TRHDE: variants seen among roughly 807,000 people sequenced by gnomAD.
The protein encoded by TRHDE is thyrotropin releasing hormone degrading enzyme, also known as thyrotropin-releasing hormone-degrading ectoenzyme.
In TRHDE, 72 loss-of-function variants were observed where a neutral mutation model predicts 125.7. That is an observed-to-expected ratio of 0.57 (90% confidence interval 0.47 to 0.70). The LOEUF is 0.70. Ranked by LOEUF, TRHDE falls within the 30% of genes least tolerant of loss-of-function variation. The probability of loss-of-function intolerance (pLI) is 0.00; values close to 1 mark genes in which losing one functional copy is unlikely to be tolerated. For synonymous variants in TRHDE, 509 were observed against 509.1 expected (o/e 1.00, Z 0.00); for missense variants, 1,110 against 1,327.1 (o/e 0.84, Z 2.54).
chr12:72,149,831 C>T (rs1876315839), intron 2 of TRHDE, among the ~76,000 whole-genome samples: 2 of 152,026 alleles, frequency 1.3e-5, no homozygotes, highest in African/African-American at 2.4e-5. Context: ...ATATTGTGCT[C>T]ATTATTCTAT....
chr12:72,430,371 G>A lies in TRHDE; in HGVS notation c.1316-39387G>A, dbSNP rs895845772. Among the ~76,000 whole-genome samples, 31 of 134,982 alleles carry A rather than the reference G, an allele frequency of 2.3e-4. 1 individual carries two copies. Among genetic ancestry groups the A allele is most frequent in the Middle Eastern group, 4.3e-3 (1 of 232 alleles). The allele number at this position is 134,982 out of a possible 152,430, so 88.6% of individuals were successfully genotyped here. A position where few individuals can be genotyped will look rare whatever the true frequency, so the allele number is the denominator to read the frequency against. ...CATGTATACATATATACATATATAC[G>A]TATATATACATGTATATATATACAC... On this transcript the variant is annotated intron_variant, in intron 3 of 18. Transcript: ENST00000261180.
chr12:72,311,729 AT>A (rs550972776), intron 2 of TRHDE, among the ~76,000 whole-genome samples: 108 of 152,288 alleles, frequency 7.1e-4, no homozygotes, highest in African/African-American at 2.5e-3. Context: ...GAGTCAGTAC[AT>A]TTTGGTGGAT....
At chr12:72,636,988 G>C (rs1873785240) in intron 15 of TRHDE, among the ~76,000 whole-genome samples, 1 of 152,152 alleles carries the variant, frequency 6.6e-6, no homozygotes. Flanking sequence ...GTCTCTGCCA[G>C]GCTTTGGTAT....
intron 2 of TRHDE, among the ~76,000 whole-genome samples, chr12:72,290,411 C>A (rs1880042385): frequency 6.6e-6 from 1 of 152,144 alleles, no homozygotes; most frequent in African/African-American, 2.4e-5. Context: ...TGTTTGAAAA[C>A]TGATAGTATG....
rs137970433 is a variant in TRHDE, at chr12:72,098,387, A to T, written n.175-7261A>T. 4.0e-3 allele frequency among the ~76,000 whole-genome samples: 602 copies of T among 152,266 alleles called. 1 individual carries two copies. The highest frequency in any genetic ancestry group is 0.014 in the African/African-American group (564 of 41,532). ...CTAGGACCTTGAAATGCTGACATTG[A>T]TGCAGTCAATCTGGATGACTTTTTA... On this transcript the variant is annotated intron_variant and non_coding_transcript_variant, in intron 1 of 4. Transcript: ENST00000548156.
intron 2 of TRHDE, among the ~76,000 whole-genome samples, chr12:72,244,753 A>T (rs1271171654): frequency 6.6e-6 from 1 of 152,098 alleles, no homozygotes; most frequent in African/African-American, 2.4e-5. Flanking sequence ...TTCTTTGGTG[A>T]TGGGGAAATG....
intron 3 of TRHDE, among the ~76,000 whole-genome samples, chr12:72,414,135 T>C (rs1421434950): frequency 2.6e-5 from 4 of 152,160 alleles, no homozygotes; most frequent in Non-Finnish European, 2.9e-5. Context: ...TCAAAGTTGC[T>C]GTAAGCAGAT....
chr12:72,597,962 A>G (rs1174957677), intron 12 of TRHDE, among the ~76,000 whole-genome samples: 3 of 151,616 alleles, frequency 2.0e-5, no homozygotes, highest in African/African-American at 7.3e-5. Context: ...ATTAAAATAT[A>G]CCATTCTTCA....
chr12:72,578,096 G>A (rs1386719099), intron 12 of TRHDE, among the ~76,000 whole-genome samples: 1 of 152,018 alleles, frequency 6.6e-6, no homozygotes, highest in East Asian at 1.9e-4. Context: ...TAAACACATC[G>A]TGCACTCTTT....
chr12:72,432,490 G>A (rs954332424), intron 3 of TRHDE, among the ~76,000 whole-genome samples: 2 of 152,088 alleles, frequency 1.3e-5, no homozygotes, highest in African/African-American at 2.4e-5. Flanking sequence ...ACTCCTTGCC[G>A]TCTGCCTCAG....
chr12:72,262,543 C>A (rs1005164968), intron 2 of TRHDE: 1 of 152,158 alleles, frequency 6.6e-6, no homozygotes, highest in Non-Finnish European at 1.5e-5. Flanking sequence ...TATAACACTG[C>A]AAGTTAGCAT....
chr12:72,587,948 A>G (rs1419390809), intron 12 of TRHDE, among the ~76,000 whole-genome samples: 1 of 152,172 alleles, frequency 6.6e-6, no homozygotes, highest in Non-Finnish European at 1.5e-5. Context: ...TGTATGTGCT[A>G]TCATCATTCG....
upstream of TRHDE, chr12:72,272,114 C>A (rs1013078370): frequency 1.1e-5 from 5 of 457,360 alleles, no homozygotes; most frequent in Non-Finnish European, 2.2e-5. This position sits in a 1 kb window ranked among gnomAD's most constrained non-coding sequence, Gnocchi z 6.7. Context: ...CTGTGGCCGC[C>A]GTCACTGCTG....
intron 3 of TRHDE, among the ~76,000 whole-genome samples, chr12:72,461,565 G>A (rs965316587): frequency 6.6e-6 from 1 of 151,174 alleles, no homozygotes; most frequent in Non-Finnish European, 1.5e-5. Context: ...AAACACAAAT[G>A]CATATAGACA....
chr12:72,273,203 C>G lies in TRHDE; in HGVS notation c.560C>G (p.Ser187Trp). 1 of 1,603,318 alleles carries G rather than the reference C, an allele frequency of 6.2e-7. No homozygotes were observed. Among genetic ancestry groups the G allele is most frequent in the Non-Finnish European group, 8.5e-7 (1 of 1,172,214 alleles). Residue 187 changes from serine (S) to tryptophan (W), a missense_variant, in exon 1 of 19, where the codon TCG (serine) becomes TGG (tryptophan). By Grantham distance (177) the Ser-to-Trp change is radical (BLOSUM62 -3). Around this residue, in one of 5 missense-constraint regions of TRHDE, gnomAD observed 72 missense variants for 122.2 expected, o/e 0.59. Coordinates refer to ENST00000261180, the MANE Select transcript of TRHDE (RefSeq NM_013381.3). This position sits in a 1 kb window ranked among gnomAD's most constrained non-coding sequence, Gnocchi z 5.3. Reference protein sequence around the residue: ...PWEPWTQLRLSGHLKPLHYNL... With the variant: ...PWEPWTQLRLWGHLKPLHYNL... ...GAGCCGTGGACGCAGCTGCGCCTGT[C>G]GGGCCACCTGAAGCCGCTGCACTAC...
At chr12:72,387,120 C>T (rs779049816) in intron 3 of TRHDE, among the ~76,000 whole-genome samples, 11 of 152,146 alleles carry the variant, frequency 7.2e-5, no homozygotes, top group Non-Finnish European at 1.3e-4. Context: ...CTCCTTAACT[C>T]CAGGCTTTTA....
chr12:72,350,510 G>A (rs1020843423), intron 2 of TRHDE, among the ~76,000 whole-genome samples: 3 of 152,020 alleles, frequency 2.0e-5, no homozygotes, highest in Non-Finnish European at 4.4e-5. Context: ...GACATATACT[G>A]GTAAGTGGCA....
intron 2 of TRHDE, among the ~76,000 whole-genome samples, chr12:72,246,411 A>G (rs1257152620): frequency 6.6e-6 from 1 of 152,072 alleles, no homozygotes; most frequent in East Asian, 1.9e-4. Flanking sequence ...CCTCTAGGCC[A>G]TATTTATCTG....
chr12:72,331,978 T>C (rs1202183244), intron 2 of TRHDE, among the ~76,000 whole-genome samples: 3 of 152,178 alleles, frequency 2.0e-5, no homozygotes, highest in African/African-American at 7.2e-5. Flanking sequence ...AAATAAGTTT[T>C]ATTGGCTCAC....
Sources: allele counts gnomAD v4.1 joint callset (sites outside exome capture counted in the v4.1 genomes callset), GRCh38; gene constraint gnomAD v4.1.1; regional missense constraint gnomAD v4.1.1; non-coding constraint Gnocchi (gnomAD v3.1); transcripts MANE v1.5; gene names NCBI Gene and HGNC (gene_info 2026-07-23, HGNC 2026-07-21).